GNG4: variants seen among roughly 807,000 people sequenced by gnomAD.
The protein encoded by GNG4 is G protein subunit gamma 4.
In GNG4, 4 loss-of-function variants were observed where a neutral mutation model predicts 5.8. That is an observed-to-expected ratio of 0.69 (90% confidence interval 0.34 to 1.57). The LOEUF (loss-of-function observed/expected upper bound fraction) is 1.57, where lower values mean the gene tolerates loss of function less well. Ranked by LOEUF, GNG4 falls within the 40% of genes most tolerant of loss-of-function variation. GNG4 has a pLI of 0.06. For synonymous variants in GNG4, 29 were observed against 32.9 expected (o/e 0.88, Z 0.41); for missense variants, 96 against 95.1 (o/e 1.01, Z -0.04).
rs1054950474 is a variant in GNG4, at chr1:235,628,993, ATT to A, written c.-123+20667_-123+20668del. Reference sequence around the variant, plus strand: ...GCGATAAAGTCAAACATTTGCTTGAATTTTTTTTTTTTTTTTTTTGCTTTTTT... The same window carrying A: ...GCGATAAAGTCAAACATTTGCTTGAATTTTTTTTTTTTTTTTTGCTTTTTT... On this transcript the variant is annotated intron_variant, in intron 1 of 3. Transcript: ENST00000391854. Among the ~76,000 whole-genome samples, 1,109 of 118,236 alleles carry A rather than the reference ATT, an allele frequency of 9.4e-3. 5 individuals carry two copies. Among genetic ancestry groups the A allele is most frequent in the African/African-American group, 0.028 (916 of 33,170 alleles). 77.6% of individuals were successfully genotyped at this position (118,236 alleles called of 152,430 possible).
At chr1:235,580,531 T>C (rs1687602395) in intron 3 of GNG4, among the ~76,000 whole-genome samples, 2 of 152,216 alleles carry the variant, frequency 1.3e-5, no homozygotes, top group South Asian at 4.1e-4. Context: ...ATGCGGTTCC[T>C]AGGTTCAGCT....
At chr1:235,643,932 C>T (rs910433568) in intron 1 of GNG4, among the ~76,000 whole-genome samples, 3 of 152,226 alleles carry the variant, frequency 2.0e-5, no homozygotes, top group African/African-American at 7.2e-5. Context: ...CATCAGTGAG[C>T]ACAGCCAACC....
At chr1:235,643,267 G>A (rs992122377) in intron 1 of GNG4, among the ~76,000 whole-genome samples, 1 of 152,096 alleles carries the variant, frequency 6.6e-6, no homozygotes, top group African/African-American at 2.4e-5. Flanking sequence ...ATGACCCTGG[G>A]CCCCTGCTGG....
At chr1:235,588,185 TG>T (rs1243687167) in intron 2 of GNG4, among the ~76,000 whole-genome samples, 1 of 152,136 alleles carries the variant, frequency 6.6e-6, no homozygotes, top group Non-Finnish European at 1.5e-5. Flanking sequence ...GGAGGCTTCC[TG>T]TGGGAAGGTC....
In GNG4 at chr1:235,609,988, C is replaced by A. The variant is rs146391298; in HGVS notation, c.-122-14477G>T. Reference sequence around the variant, plus strand: ...TCCTACACAGAAAGACATGATAGAGCCATCAAAGTTAGGAAACTATTATTG... The same window carrying A: ...TCCTACACAGAAAGACATGATAGAGACATCAAAGTTAGGAAACTATTATTG... On this transcript the variant is annotated intron_variant, in intron 1 of 3. Transcript: ENST00000391854. 8.5e-5 allele frequency among the ~76,000 whole-genome samples: 13 copies of A among 152,304 alleles called. 1 individual carries two copies. The East Asian group carries it at 2.5e-3, about 29-fold the overall frequency.
intron 3 of GNG4, among the ~76,000 whole-genome samples, chr1:235,568,184 T>C (rs1284676978): frequency 1.3e-5 from 2 of 151,304 alleles, no homozygotes; most frequent in East Asian, 3.9e-4. Context: ...TATGACTGCC[T>C]TGGCAAATTC....
intron 3 of GNG4, among the ~76,000 whole-genome samples, chr1:235,570,860 A>G (rs1435286539): frequency 1.2e-4 from 11 of 92,014 alleles, no homozygotes; most frequent in South Asian, 4.1e-4. Flanking sequence ...TTATATATAT[A>G]TATGTGTGTG....
intron 3 of GNG4, among the ~76,000 whole-genome samples, chr1:235,565,213 T>C (rs1405616720): frequency 1.3e-5 from 2 of 151,780 alleles, no homozygotes; most frequent in Non-Finnish European, 2.9e-5. Flanking sequence ...AGAAAGAGGG[T>C]GGCAGTTGGC....
Position 235,648,433 on chromosome 1 carries a change from T to C in GNG4, c.-123+1229A>G, listed in dbSNP as rs1015277876. The stretch of plus-strand genomic sequence containing the variant: ...TCTCCGGGCTGGAAAAGGCTTTCCA[T>C]TTATCAACTTAGTTGTCCCCCCAGT... On this transcript the variant is annotated intron_variant, in intron 1 of 3. Transcript: ENST00000391854. This position sits in a 1 kb window ranked among gnomAD's most constrained non-coding sequence, Gnocchi z 5.0. Among the ~76,000 whole-genome samples the C allele has an allele frequency of 5.2e-4, 79 of 152,216 alleles. 1 individual carries two copies. Among genetic ancestry groups the C allele is most frequent in the Non-Finnish European group, 4.0e-4 (27 of 68,038 alleles).
At chr1:235,647,626 T>C (rs1361699528) in intron 1 of GNG4, among the ~76,000 whole-genome samples, 2 of 152,172 alleles carry the variant, frequency 1.3e-5, no homozygotes, top group Admixed American at 6.5e-5. Flanking sequence ...TGGCTCTTGC[T>C]TCCCCAGGGG....
chr1:235,563,964 C>A (rs1310933320), intron 3 of GNG4, among the ~76,000 whole-genome samples: 1 of 152,172 alleles, frequency 6.6e-6, no homozygotes, highest in Non-Finnish European at 1.5e-5. Context: ...GACTTTCCAG[C>A]AATTTTATAA....
At chr1:235,588,485 G>GAGA (rs1687880569) in intron 2 of GNG4, among the ~76,000 whole-genome samples, 1 of 152,030 alleles carries the variant, frequency 6.6e-6, no homozygotes, top group Non-Finnish European at 1.5e-5. Flanking sequence ...TGTCTCCCAA[G>GAGA]AGCCGTCTGC....
At chr1:235,570,226 GTTTCT>G (rs1687298666) in intron 3 of GNG4, among the ~76,000 whole-genome samples, 1 of 152,050 alleles carries the variant, frequency 6.6e-6, no homozygotes, top group Admixed American at 6.6e-5. Context: ...CACTCCATCT[GTTTCT>G]TTTGTTTCCT....
chr1:235,570,923 T>TATAC (rs1553365415), intron 3 of GNG4, among the ~76,000 whole-genome samples: 2 of 97,348 alleles, frequency 2.1e-5, no homozygotes, highest in South Asian at 3.0e-4. Context: ...CATATATATA[T>TATAC]ACACACACAC....
intron 1 of GNG4, among the ~76,000 whole-genome samples, chr1:235,604,268 T>C (rs562590650): frequency 6.6e-6 from 1 of 152,362 alleles, no homozygotes; most frequent in East Asian, 1.9e-4. Context: ...TCATTGTCAT[T>C]CGAGTCTATC....
chr1:235,605,195 CTT>C (rs58223568), intron 1 of GNG4, among the ~76,000 whole-genome samples: 25 of 142,038 alleles, frequency 1.8e-4, no homozygotes, highest in Non-Finnish European at 2.2e-4. Context: ...TGATTCCTGC[CTT>C]TTTTTTTTTT....
intron 2 of GNG4, among the ~76,000 whole-genome samples, chr1:235,587,547 GTTGGGGT>G (rs200783044): frequency 9.1e-5 from 12 of 132,260 alleles, no homozygotes; most frequent in Admixed American, 1.5e-4. Flanking sequence ...CAGGGTGTGG[GTTGGGGT>G]TGTGAATGTG....
chr1:235,571,215 T>C (rs1398664797), intron 3 of GNG4, among the ~76,000 whole-genome samples: 1 of 152,132 alleles, frequency 6.6e-6, no homozygotes, highest in African/African-American at 2.4e-5. Context: ...GTCAATGAAA[T>C]GTATGTTAAA....
At chr1:235,607,125 T>C (rs1215123248) in intron 1 of GNG4, among the ~76,000 whole-genome samples, 2 of 151,856 alleles carry the variant, frequency 1.3e-5, no homozygotes, top group African/African-American at 4.8e-5. Context: ...ATTTTTATTT[T>C]TAGTAGAAAT....
Sources: allele counts gnomAD v4.1 joint callset (sites outside exome capture counted in the v4.1 genomes callset), GRCh38; gene constraint gnomAD v4.1.1; non-coding constraint Gnocchi (gnomAD v3.1); transcripts MANE v1.5; gene names NCBI Gene and HGNC (gene_info 2026-07-23, HGNC 2026-07-21).